The following RSF1 variants were observed in gnomAD, a reference collection of about 807,000 sequenced individuals.
RSF1 encodes HBV pX-associated protein 8.
In RSF1, 13 loss-of-function variants were observed where a neutral mutation model predicts 145.2. The ratio of observed to expected loss-of-function variants is 0.09; its 90% CI spans 0.06 to 0.14. The LOEUF (loss-of-function observed/expected upper bound fraction) is 0.14, where lower values mean the gene tolerates loss of function less well. Ranked by LOEUF, RSF1 falls within the 10% of genes least tolerant of loss-of-function variation. The pLI, the probability that RSF1 is intolerant of heterozygous loss-of-function variation, is 1.00. For synonymous variants in RSF1, 577 were observed against 592.6 expected (o/e 0.97, Z 0.38); for missense variants, 1,517 against 1,718.2 (o/e 0.88, Z 2.07).
chr11:77,725,448 T>A, intron 5 of RSF1, 97 bp downstream of exon 5: 2 of 1,051,666 alleles, frequency 1.9e-6, no homozygotes, highest in Non-Finnish European at 2.5e-6. Context: ...CCAATTCAAA[T>A]TGAGATAGAA....
chr11:77,862,517 T>C, the RSF1 span, among the ~76,000 whole-genome samples: 1 of 152,188 alleles, frequency 6.6e-6, no homozygotes, highest in Non-Finnish European at 1.5e-5. Flanking sequence ...AATTGGGGAA[T>C]ATTGGCACTC....
At position 77,675,249 on chromosome 11, in the gene RSF1, C is replaced by A. The variant is rs151055861; in HGVS notation, c.3349G>T (p.Asp1117Tyr). The change falls in exon 14 of 16, where the codon GAT becomes TAT. Residue 1117 changes from aspartate (D) to tyrosine (Y), a missense_variant. Asp to Tyr is a radical substitution (Grantham distance 160). This residue lies in a region of RSF1 where 231 missense variants were observed against 276.6 expected (regional missense o/e 0.84). Transcript: ENST00000308488. ...TTTTCATCAGACACAACAAACTCAT[C>A]TTGAGATCTGTCCAAGAGAAATCAG... Reference protein sequence around the residue: ...DEFKISDGSQDEFVVSDENPD... With the variant: ...DEFKISDGSQYEFVVSDENPD... 6.2e-7 allele frequency: 1 copy of A among 1,611,402 alleles called. No homozygotes were observed. Among genetic ancestry groups the A allele is most frequent in the African/African-American group, 1.3e-5 (1 of 74,768 alleles).
chr11:77,819,572 C>G (rs553813508), intron 1 of RSF1, among the ~76,000 whole-genome samples: 1 of 152,290 alleles, frequency 6.6e-6, no homozygotes, highest in East Asian at 1.9e-4. Flanking sequence ...CCAGCGGCAC[C>G]AGAGAGAGAA....
chr11:77,745,796 G>A (rs944962144), intron 3 of RSF1, among the ~76,000 whole-genome samples: 2 of 151,168 alleles, frequency 1.3e-5, no homozygotes, highest in Admixed American at 6.6e-5. Flanking sequence ...CTCTGCCCGG[G>A]CAGACAACAC....
intron 1 of RSF1, among the ~76,000 whole-genome samples, chr11:77,769,351 AAC>A (rs1471619247): frequency 1.3e-5 from 2 of 152,248 alleles, no homozygotes; most frequent in Admixed American, 1.3e-4. Flanking sequence ...AGATTTCTAA[AAC>A]AGTTTCATTT....
At chr11:77,715,486 C>T (rs913666821) in intron 5 of RSF1, among the ~76,000 whole-genome samples, 14 of 152,116 alleles carry the variant, frequency 9.2e-5, no homozygotes, top group Non-Finnish European at 1.2e-4. Context: ...TGCACTCTGT[C>T]GCCCAGGCTG....
At chr11:77,733,721 C>T (rs1961265566) in intron 4 of RSF1, among the ~76,000 whole-genome samples, 1 of 152,126 alleles carries the variant, frequency 6.6e-6, no homozygotes, top group Admixed American at 6.6e-5. Flanking sequence ...GCCACCACAC[C>T]TTGCTGATTT....
At chr11:77,856,363 A>G in the RSF1 span, among the ~76,000 whole-genome samples, 6 of 152,110 alleles carry the variant, frequency 3.9e-5, no homozygotes, top group African/African-American at 1.2e-4. Context: ...GGAATTTCCA[A>G]ATTTGCCCTC....
At chr11:77,735,163 G>T in intron 4 of RSF1, 1 of 700,072 alleles carries the variant, frequency 1.4e-6, no homozygotes, top group South Asian at 1.5e-5. Context: ...TGGGGTGGGG[G>T]ACGAGCACCG....
intron 2 of RSF1, among the ~76,000 whole-genome samples, chr11:77,759,678 C>T (rs878978490): frequency 1.3e-5 from 2 of 152,068 alleles, no homozygotes; most frequent in African/African-American, 4.8e-5. Flanking sequence ...AAAAGCAAGA[C>T]TCCATCTCAA....
At chr11:77,837,107 G>GT in the RSF1 span, among the ~76,000 whole-genome samples, 7 of 152,150 alleles carry the variant, frequency 4.6e-5, no homozygotes, top group Admixed American at 4.6e-4. Context: ...CTTCTGTGTT[G>GT]TTTTTTGTTT....
the RSF1 span, among the ~76,000 whole-genome samples, chr11:77,834,448 T>G: frequency 8.1e-5 from 12 of 148,286 alleles, no homozygotes; most frequent in African/African-American, 2.5e-4. Flanking sequence ...TTTGTTTTTT[T>G]TTTTTTTTTT....
chr11:77,801,389 C>G (rs1240573034), intron 1 of RSF1, among the ~76,000 whole-genome samples: 24 of 152,170 alleles, frequency 1.6e-4, no homozygotes, highest in African/African-American at 5.6e-4. Context: ...GAGCTTGCCA[C>G]TGCACTCCAG....
chr11:77,697,813 C>A (rs1463507353), intron 7 of RSF1, among the ~76,000 whole-genome samples: 1 of 151,602 alleles, frequency 6.6e-6, no homozygotes, highest in Non-Finnish European at 1.5e-5. Flanking sequence ...ACTAGGGTAT[C>A]CATCACCTCA....
chr11:77,738,683 T>A (rs1368840215), intron 4 of RSF1: 3 of 152,110 alleles, frequency 2.0e-5, no homozygotes, highest in Non-Finnish European at 4.4e-5. Context: ...TTAGACATTT[T>A]TTTTTCTTTT....
chr11:77,792,826 T>G (rs1297490238), intron 1 of RSF1, among the ~76,000 whole-genome samples: 1 of 150,826 alleles, frequency 6.6e-6, no homozygotes, highest in African/African-American at 2.4e-5. Context: ...CAAGCAAAAG[T>G]TAAGAAAATT....
At chr11:77,855,445 A>G in the RSF1 span, 1 of 177,606 alleles carries the variant, frequency 5.6e-6, no homozygotes, top group South Asian at 1.1e-4. Context: ...TCAGCCTCCC[A>G]AGTAGCTGGG....
At chr11:77,810,095 C>T (rs1948715936) in intron 1 of RSF1, among the ~76,000 whole-genome samples, 1 of 152,174 alleles carries the variant, frequency 6.6e-6, no homozygotes, top group African/African-American at 2.4e-5. Context: ...CATTCTTTCC[C>T]AGTCCTGTGT....
At chr11:77,868,291 G>A in the RSF1 span, among the ~76,000 whole-genome samples, 28 of 150,774 alleles carry the variant, frequency 1.9e-4, no homozygotes, top group African/African-American at 6.6e-4. Flanking sequence ...TCCTGACCTC[G>A]TGATCCACCC....
Sources: allele counts gnomAD v4.1 joint callset (sites outside exome capture counted in the v4.1 genomes callset), GRCh38; gene constraint gnomAD v4.1.1; regional missense constraint gnomAD v4.1.1; transcripts MANE v1.5; gene names NCBI Gene and HGNC (gene_info 2026-07-23, HGNC 2026-07-21).